ZDHHC13: variants seen among roughly 807,000 people sequenced by gnomAD.
The protein encoded by ZDHHC13 is palmitoyltransferase ZDHHC13.
In ZDHHC13, 85 loss-of-function variants were observed where a neutral mutation model predicts 86.0. The ratio of observed to expected loss-of-function variants is 0.99; its 90% CI spans 0.83 to 1.18. The LOEUF (loss-of-function observed/expected upper bound fraction) is 1.18. Ranked by LOEUF, ZDHHC13 falls within the 50% of genes most tolerant of loss-of-function variation. ZDHHC13 has a pLI of 0.00. For synonymous variants in ZDHHC13, 263 were observed against 246.4 expected (o/e 1.07, Z -0.63); for missense variants, 711 against 730.2 (o/e 0.97, Z 0.30).
chr11:19,152,494 A>C (rs1222243481), intron 7 of ZDHHC13, 65 bp from the exon 8 acceptor site: 2 of 1,488,106 alleles, frequency 1.3e-6, no homozygotes, highest in Non-Finnish European at 1.8e-6. Flanking sequence ...GTGTTTTTAA[A>C]AAAAGTTTAG....
At chr11:19,175,598 T>C (rs1051351779) in intron 16 of ZDHHC13, among the ~76,000 whole-genome samples, 2 of 152,002 alleles carry the variant, frequency 1.3e-5, no homozygotes, top group Non-Finnish European at 2.9e-5. Context: ...ATTAAGTGGC[T>C]GAGCGAGCAG....
chr11:19,154,009 G>A lies in ZDHHC13; in HGVS notation c.873+1325G>A, dbSNP rs76767017. Among the ~76,000 whole-genome samples, 13 of 152,168 alleles carry A rather than the reference G, an allele frequency of 8.5e-5. No homozygotes were observed. In the South Asian group the frequency reaches 1.2e-3, roughly 15 times the overall value. Reference sequence around the variant, plus strand: ...AGATGAATCTTCTAAAATGTAAGTCGGGTCATGTCACTTATCAGCTCACAT... The same window carrying A: ...AGATGAATCTTCTAAAATGTAAGTCAGGTCATGTCACTTATCAGCTCACAT... On this transcript the variant is annotated intron_variant, in intron 8 of 16. Transcript: ENST00000446113.
chr11:19,126,047 A>G (rs114009893), intron 1 of ZDHHC13, among the ~76,000 whole-genome samples: 365 of 152,296 alleles, frequency 2.4e-3, no homozygotes, highest in African/African-American at 8.6e-3. Context: ...AACTTTTTAA[A>G]AACAGTGCCC....
chr11:19,171,882 C>T (rs906611880), intron 15 of ZDHHC13, among the ~76,000 whole-genome samples: 4 of 152,040 alleles, frequency 2.6e-5, no homozygotes, highest in African/African-American at 4.8e-5. Context: ...ATTTCCTGAG[C>T]GCTCTGGGTA....
intron 13 of ZDHHC13, among the ~76,000 whole-genome samples, chr11:19,165,739 C>T (rs1850047639): frequency 6.6e-6 from 1 of 152,148 alleles, no homozygotes; most frequent in South Asian, 2.1e-4. Context: ...TTCTGTGTTC[C>T]CCCTGATTAA....
chr11:19,166,373 G>T lies in ZDHHC13; in HGVS notation c.1462G>T (p.Gly488Ter). The T allele has an allele frequency of 6.2e-7, 1 of 1,611,152 alleles. No homozygotes were observed. Among genetic ancestry groups the T allele is most frequent in the South Asian group, 1.1e-5 (1 of 90,672 alleles). Residue 488 changes from glycine (G) to a stop codon, truncating the protein, a stop_gained, in exon 14 of 17, where the codon GGA (glycine) becomes TGA (stop). Coordinates refer to ENST00000446113, the MANE Select transcript of ZDHHC13 (RefSeq NM_019028.3). LOFTEE classifies it high-confidence loss of function. ...CATGGTATGTGGCTGGATTATATAT[G>T]GATCTTTCATCTGTAAGTGTAAATT... ...LSMVCGWIIY[G>*]SFIYLSSHCA...
intron 12 of ZDHHC13, chr11:19,164,569 A>G (rs994908019): frequency 6.9e-6 from 4 of 582,132 alleles, no homozygotes; most frequent in Non-Finnish European, 1.2e-5. Context: ...CTCTGGTTAC[A>G]TCTCTCCGTG....
chr11:19,156,683 C>T (rs1178405096), intron 9 of ZDHHC13, among the ~76,000 whole-genome samples: 1 of 152,092 alleles, frequency 6.6e-6, no homozygotes. Context: ...GCTTGGATTA[C>T]TGTCATCCTC....
intron 1 of ZDHHC13, among the ~76,000 whole-genome samples, chr11:19,120,782 A>G (rs1169836319): frequency 6.6e-6 from 1 of 152,102 alleles, no homozygotes; most frequent in Non-Finnish European, 1.5e-5. Flanking sequence ...TATCTTAATT[A>G]AAACAAAAAC....
chr11:19,143,832 C>A (rs1393701695), intron 2 of ZDHHC13, among the ~76,000 whole-genome samples: 2 of 152,130 alleles, frequency 1.3e-5, no homozygotes, highest in African/African-American at 2.4e-5. Context: ...TGACATTGAG[C>A]AAATTTTGAA....
chr11:19,150,694 TAC>T (rs1849583080), intron 5 of ZDHHC13, 31 bp from the exon 6 acceptor site: 1 of 1,574,278 alleles, frequency 6.4e-7, no homozygotes, highest in South Asian at 1.1e-5. Flanking sequence ...TGAGTGTATT[TAC>T]AGTTATGCTA....
chr11:19,132,300 T>A (rs142984655), intron 1 of ZDHHC13, among the ~76,000 whole-genome samples: 18 of 152,336 alleles, frequency 1.2e-4, no homozygotes, highest in Admixed American at 1.2e-3. Context: ...GGTTCTGGTG[T>A]AGTCTTTATT....
intron 2 of ZDHHC13, 121 bp from the exon 3 acceptor site, chr11:19,146,060 T>C: frequency 9.7e-7 from 1 of 1,030,746 alleles, no homozygotes; most frequent in Non-Finnish European, 1.4e-6. Context: ...TGTTAATTAT[T>C]ATATTTCTGT....
At chr11:19,164,225 G>A in intron 11 of ZDHHC13, 76 bp from the exon 12 acceptor site, 4 of 1,449,466 alleles carry the variant, frequency 2.8e-6, no homozygotes, top group South Asian at 2.5e-5. Context: ...AGCGAGAACT[G>A]TGAGAATGGT....
intron 1 of ZDHHC13, among the ~76,000 whole-genome samples, chr11:19,134,307 G>A (rs1849074412): frequency 6.6e-6 from 1 of 152,074 alleles, no homozygotes; most frequent in Non-Finnish European, 1.5e-5. Flanking sequence ...ACCAGTCTGG[G>A]CAACATAGTA....
chr11:19,141,690 T>TTG lies in ZDHHC13; in HGVS notation c.28-1288_28-1287insTG, dbSNP rs397708018. Among the ~76,000 whole-genome samples the TTG allele has an allele frequency of 1.5e-3, 227 of 151,254 alleles. 1 individual carries two copies. The highest frequency in any genetic ancestry group is 2.7e-3 in the Non-Finnish European group (186 of 67,780). ...TTTTTGTGGGCTTTTTTTTTTTTTT[T>TTG]AACATTAGCGAACCCCGTATTGGTT... is the stretch of plus-strand genomic sequence containing the variant. On this transcript the variant is annotated intron_variant, in intron 1 of 16. Coordinates refer to ENST00000446113, the MANE Select transcript of ZDHHC13 (RefSeq NM_019028.3).
At chr11:19,163,521 C>G (rs186561925) in intron 11 of ZDHHC13, 94 bp downstream of exon 11, 2 of 1,280,714 alleles carry the variant, frequency 1.6e-6, no homozygotes, top group South Asian at 4.8e-5. Context: ...CTTTTTGTTA[C>G]GGCTGCATGA....
At chr11:19,164,166 G>A in intron 11 of ZDHHC13, 135 bp from the exon 12 acceptor site, 1 of 781,446 alleles carries the variant, frequency 1.3e-6, no homozygotes, top group Non-Finnish European at 2.0e-6. Flanking sequence ...AGCACAGAAT[G>A]ATTTGGTGGC....
intron 10 of ZDHHC13, 48 bp downstream of exon 10, chr11:19,159,088 A>G: frequency 7.4e-7 from 1 of 1,352,928 alleles, no homozygotes; most frequent in East Asian, 2.5e-5. Flanking sequence ...TTGCCTTTAA[A>G]AGAGTAATGT....
Sources: gnomAD v4.1 joint callset for allele counts (sites outside exome capture counted in the v4.1 genomes callset) on GRCh38, gnomAD v4.1.1 for gene constraint, MANE v1.5 for transcripts, NCBI Gene and HGNC (gene_info 2026-07-23, HGNC 2026-07-21) for gene names.